Variants in STK38 observed in about 807,000 individuals in gnomAD.
STK38 encodes the protein serine/threonine-protein kinase 38.
A neutral mutation model predicts 59.0 loss-of-function variants in STK38; 26 were observed. The ratio of observed to expected loss-of-function variants is 0.44; its 90% CI spans 0.32 to 0.61. The LOEUF (loss-of-function observed/expected upper bound fraction) is 0.61, where lower values mean the gene tolerates loss of function less well. Ranked by LOEUF, STK38 falls within the 20% of genes least tolerant of loss-of-function variation. The probability of loss-of-function intolerance (pLI) is 0.04; values close to 1 mark genes in which losing one functional copy is unlikely to be tolerated. For missense variants in STK38, 433 were observed against 566.0 expected (o/e 0.76, Z 2.38); for synonymous variants, 175 against 176.6 (o/e 0.99, Z 0.07).
chr6:36,510,019 C>G (rs1387722308), intron 7 of STK38, among the ~76,000 whole-genome samples: 1 of 152,184 alleles, frequency 6.6e-6, no homozygotes, highest in African/African-American at 2.4e-5. Context: ...ACCGCAAGTT[C>G]TTACTCTGGG....
intron 5 of STK38, 36 bp from the exon 6 acceptor site, chr6:36,517,876 G>T (rs200280545): frequency 6.2e-7 from 1 of 1,608,498 alleles, no homozygotes; most frequent in Non-Finnish European, 8.5e-7. Flanking sequence ...GACAAAGCTT[G>T]CTCTGCTTTA....
At chr6:36,508,746 G>A (rs1363267508) in intron 7 of STK38, among the ~76,000 whole-genome samples, 3 of 152,254 alleles carry the variant, frequency 2.0e-5, no homozygotes, top group Non-Finnish European at 4.4e-5. Flanking sequence ...GTGGCAAGGC[G>A]TGTGTGAGTG....
intron 7 of STK38, among the ~76,000 whole-genome samples, chr6:36,513,379 A>T (rs1777159462): frequency 6.9e-6 from 1 of 145,356 alleles, no homozygotes; most frequent in Non-Finnish European, 1.5e-5. Flanking sequence ...CAGTGGCATG[A>T]TCTCAGCTCA....
intron 2 of STK38, among the ~76,000 whole-genome samples, chr6:36,531,604 G>C (rs755191458): frequency 3.3e-5 from 5 of 152,186 alleles, no homozygotes; most frequent in African/African-American, 7.2e-5. Flanking sequence ...TGAAGGAATA[G>C]AGCAGATGCA....
At position 36,533,154 on chromosome 6, in the gene STK38, G is replaced by A. The variant is rs1317609629; in HGVS notation, c.131+6918C>T. The stretch of plus-strand genomic sequence containing the variant: ...AGGCTGAAAGTACTAGTGCATTGTT[G>A]TTTTTCTTAAAGAGATGGCGTCTTG... On this transcript the variant is annotated intron_variant, in intron 2 of 13. Transcript: ENST00000229812. 2.0e-5 allele frequency among the ~76,000 whole-genome samples: 3 copies of A among 151,378 alleles called. No homozygotes were observed. In the East Asian group the frequency reaches 5.8e-4, roughly 29 times the overall value.
chr6:36,517,805 C>T lies in STK38; in HGVS notation c.426G>A (p.Val142=). 1 of 1,614,102 alleles carries T rather than the reference C, an allele frequency of 6.2e-7. No individual in the cohort carries two copies. Among genetic ancestry groups the T allele is most frequent in the Non-Finnish European group, 8.5e-7 (1 of 1,179,966 alleles). ...GHIRAERDIL[V]EADSLWVVKM... ...TCACAACCCACAAACTGTCTGCCTC[C>T]ACTAGAATGTCACGCTCCGCACGAA... The change falls in exon 6 of 14, where the codon GTG becomes GTA. Residue 142 remains valine, a synonymous_variant. Transcript: ENST00000229812.
At chr6:36,534,960 T>G (rs1042957094) in intron 2 of STK38, among the ~76,000 whole-genome samples, 1 of 151,764 alleles carries the variant, frequency 6.6e-6, no homozygotes, top group African/African-American at 2.4e-5. Context: ...CTAGACTAAT[T>G]AGAAAGTTAC....
At position 36,499,992 on chromosome 6, in the gene STK38, T is replaced by TTTTC. The variant is rs1373403410; in HGVS notation, c.835-3_835-2insGAAA. On this transcript the variant is annotated splice_region_variant and splice_polypyrimidine_tract_variant and intron_variant, in intron 9 of 13. Transcript: ENST00000229812. ...AGGAGTGCCTACTGTGGAGAAGGCC[T>TTTTC]GAAACATGGACCACACATCAGCGAG... 1 of 1,610,796 alleles carries TTTTC rather than the reference T, an allele frequency of 6.2e-7. No individual in the cohort carries two copies. Among genetic ancestry groups the TTTTC allele is most frequent in the African/African-American group, 1.3e-5 (1 of 74,850 alleles).
chr6:36,528,633 G>A (rs541941001), intron 2 of STK38, among the ~76,000 whole-genome samples: 1 of 152,286 alleles, frequency 6.6e-6, no homozygotes, highest in Non-Finnish European at 1.5e-5. Flanking sequence ...TAGTAGTTTC[G>A]GGAGTGTAAA....
intron 2 of STK38, among the ~76,000 whole-genome samples, chr6:36,537,023 C>T (rs1158661039): frequency 6.6e-6 from 1 of 151,960 alleles, no homozygotes; most frequent in Non-Finnish European, 1.5e-5. Flanking sequence ...ACGAAACATA[C>T]ACATGACAAA....
At chr6:36,531,208 G>GA (rs1280580743) in intron 2 of STK38, among the ~76,000 whole-genome samples, 2 of 152,226 alleles carry the variant, frequency 1.3e-5, no homozygotes, top group East Asian at 3.9e-4. Flanking sequence ...CTCCAGTTAA[G>GA]AAAACATAGA....
intron 12 of STK38, among the ~76,000 whole-genome samples, 173 bp from the exon 13 acceptor site, chr6:36,496,978 T>C (rs1022215654): frequency 6.6e-6 from 1 of 152,224 alleles, no homozygotes; most frequent in Non-Finnish European, 1.5e-5. Context: ...GCCAACTGAC[T>C]GTACCCAAAG....
chr6:36,496,661 G>T, intron 13 of STK38, 50 bp downstream of exon 13: 2 of 1,360,290 alleles, frequency 1.5e-6, no homozygotes, highest in Non-Finnish European at 2.1e-6. Flanking sequence ...CAAAATTGGG[G>T]GTAAATAATG....
At position 36,495,735 on chromosome 6, in the gene STK38, GA is replaced by G. The variant is rs1443764447; in HGVS notation, c.*48del. On this transcript the variant is annotated 3_prime_UTR_variant, in exon 14 of 14. Transcript: ENST00000229812. ...TTCAAGAGTGTGAGAGGAAAAGCAT[GA>G]TGTTATACAAAGAACTCTGCTCCAC... is the stretch of plus-strand genomic sequence containing the variant. 6.2e-7 allele frequency: 1 copy of G among 1,609,968 alleles called. No homozygotes were observed. The highest frequency in any genetic ancestry group is 8.5e-7 in the Non-Finnish European group (1 of 1,177,344).
chr6:36,526,724 G>T (rs1031903112), intron 2 of STK38, among the ~76,000 whole-genome samples: 4 of 152,018 alleles, frequency 2.6e-5, no homozygotes, highest in African/African-American at 4.8e-5. Flanking sequence ...GTGAAACCTG[G>T]TCTGTACTAA....
rs559054264 is a variant in STK38 at position 36,512,952 on chromosome 6, G to A, written c.669+2386C>T. ...TGGGATTACAGACGTGGGCCACCGC[G>A]CCTGGCCAGCGTAATTTTTCTTCTT... On this transcript the variant is annotated intron_variant, in intron 7 of 13. Transcript: ENST00000229812. 4.6e-5 allele frequency among the ~76,000 whole-genome samples: 7 copies of A among 152,190 alleles called. No homozygotes were observed. In the East Asian group the frequency reaches 9.7e-4, roughly 21 times the overall value.
At chr6:36,519,570 C>T (rs376441687) in intron 5 of STK38, among the ~76,000 whole-genome samples, 9 of 152,186 alleles carry the variant, frequency 5.9e-5, no homozygotes, top group Non-Finnish European at 8.8e-5. Context: ...CATGAGCACA[C>T]CTTGCCTTTC....
chr6:36,515,026 G>A (rs1272862703), intron 7 of STK38, among the ~76,000 whole-genome samples: 2 of 152,034 alleles, frequency 1.3e-5, no homozygotes, highest in Admixed American at 6.6e-5. Context: ...TGATGTATTA[G>A]TAACACAGTT....
intron 12 of STK38, among the ~76,000 whole-genome samples, 189 bp from the exon 13 acceptor site, chr6:36,496,994 T>A (rs752666335): frequency 6.6e-6 from 1 of 152,152 alleles, no homozygotes; most frequent in Non-Finnish European, 1.5e-5. Flanking sequence ...CAAAGTAAAT[T>A]ATGATTTTAA....
Sources: gnomAD v4.1 joint callset for allele counts (sites outside exome capture counted in the v4.1 genomes callset) on GRCh38, gnomAD v4.1.1 for gene constraint, MANE v1.5 for transcripts, NCBI Gene and HGNC (gene_info 2026-07-23, HGNC 2026-07-21) for gene names.